Variants in ACADVL observed in about 807,000 individuals in gnomAD.
ACADVL encodes the protein acyl-CoA dehydrogenase very long chain, also known as very long-chain acyl-CoA dehydrogenase, mitochondrial.
Under a neutral mutation model 80.4 loss-of-function variants are expected in ACADVL, and 73 were observed. The ratio of observed to expected loss-of-function variants is 0.91; its 90% confidence interval spans 0.75 to 1.10. ACADVL has a LOEUF of 1.10. ACADVL is among the 50% of genes least tolerant of loss of function. The pLI, the probability that ACADVL is intolerant of heterozygous loss-of-function variation, is 0.00. For synonymous variants in ACADVL, 392 were observed against 326.5 expected (o/e 1.20, Z -2.16); for missense variants, 878 against 858.9 (o/e 1.02, Z -0.28).
Position 7,222,025 on chromosome 17 carries a change from T to C in ACADVL, c.696T>C (p.Ala232=). The C allele has an allele frequency of 6.2e-7, 1 of 1,614,184 alleles. No homozygotes were observed. ...GSDAASIRTS[A]VPSPCGKYYT... ...ATGCAGCCTCCATCCGAACCTCTGC[T>C]GTGCCCAGCCCCTGTGGAAAATACT... The change falls in exon 8 of 20, where the codon GCT becomes GCC. Residue 232 remains alanine, a synonymous_variant. Coordinates refer to ENST00000356839, the MANE Select transcript of ACADVL (RefSeq NM_000018.4).
At position 7,220,926 on chromosome 17, in the gene ACADVL, A is replaced by T; in HGVS notation, c.345A>T (p.Glu115Asp). 6.2e-7 allele frequency: 1 copy of T among 1,614,058 alleles called. No individual in the cohort carries two copies. Among genetic ancestry groups the T allele is most frequent in the Non-Finnish European group, 8.5e-7 (1 of 1,180,020 alleles). ...GTGGGATCCTGTGCCTTCCCCAGGA[A>T]GTGAACGATCCCGCCAAGAATGACG... ...LVEPVSRFFE[E>D]VNDPAKNDAL... Residue 115 changes from glutamate to aspartate, a missense_variant and splice_region_variant, in exon 6 of 20, where the codon GAA (glutamate) becomes GAT (aspartate). Physicochemically the swap from Glu to Asp is conservative, Grantham distance 45. Coordinates refer to ENST00000356839, the MANE Select transcript of ACADVL (RefSeq NM_000018.4).
upstream of ACADVL, chr17:7,219,653 A>G: frequency 3.1e-6 from 4 of 1,275,434 alleles, no homozygotes; most frequent in Middle Eastern, 3.1e-4. Flanking sequence ...CCTTCAGTCC[A>G]CCTCCATCCC....
chr17:7,217,605 AAGAGGGAAGGGG>A, upstream of ACADVL: 1 of 1,321,482 alleles, frequency 7.6e-7, no homozygotes, highest in African/African-American at 1.7e-5. Context: ...CGTGGAGCCG[AAGAGGGAAGGGG>A]AGAGAGGAGG....
chr17:7,220,492 C>A lies in ACADVL; in HGVS notation c.167C>A (p.Pro56His), dbSNP rs2142964131. ...GCTCTGGACAAGTCAGATTCCCACC[C>A]CTCTGACGCTCTGACCAGGAAAAAA... Reference protein sequence around the residue: ...QLALDKSDSHPSDALTRKKPA... With the variant: ...QLALDKSDSHHSDALTRKKPA... The change falls in exon 3 of 20, where the codon CCC (proline) becomes CAC (histidine). Residue 56 changes from proline (P) to histidine (H), a missense_variant. Pro to His is a moderately conservative substitution (Grantham distance 77). Transcript: ENST00000356839. 1.9e-6 allele frequency: 3 copies of A among 1,614,232 alleles called. No homozygotes were observed. Among genetic ancestry groups the A allele is most frequent in the Non-Finnish European group, 2.5e-6 (3 of 1,180,048 alleles).
chr17:7,218,051 C>T (rs900933346), upstream of ACADVL, among the ~76,000 whole-genome samples: 6 of 151,782 alleles, frequency 4.0e-5, no homozygotes, highest in South Asian at 2.1e-4. Flanking sequence ...CCAAAGAAAA[C>T]GAGGAAGAAA....
chr17:7,222,279 G>A lies in ACADVL; in HGVS notation c.855G>A (p.Glu285=), dbSNP rs201509063. 8 of 1,614,016 alleles carry A rather than the reference G, an allele frequency of 5.0e-6. No individual in the cohort carries two copies. Among genetic ancestry groups the A allele is most frequent in the Admixed American group, 3.3e-5 (2 of 60,004 alleles). ...AGAAGATCACAGCTTTTGTGGTGGA[G>A]AGGGGCTTCGGGGGCATTACCCAGT... ...VKEKITAFVV[E]RGFGGITHGP... Residue 285 remains glutamate, a synonymous_variant, in exon 9 of 20, where the codon GAG becomes GAA. Coordinates refer to ENST00000356839, the MANE Select transcript of ACADVL (RefSeq NM_000018.4).
chr17:7,218,868 T>C (rs750829139), upstream of ACADVL: 4 of 1,613,254 alleles, frequency 2.5e-6, no homozygotes, highest in Non-Finnish European at 3.4e-6. Context: ...TCTCTCACTT[T>C]AATCTCCCTA....
At chr17:7,221,244 T>C in intron 6 of ACADVL, 186 bp downstream of exon 6, 5 of 1,088,654 alleles carry the variant, frequency 4.6e-6, no homozygotes, top group Non-Finnish European at 6.6e-6. Context: ...GCCTGAGCCA[T>C]GGGCCTCACC....
At chr17:7,222,137 T>C (rs367766535) in intron 8 of ACADVL, 40 bp from the exon 9 acceptor site, 9 of 1,613,926 alleles carry the variant, frequency 5.6e-6, no homozygotes, top group Middle Eastern at 1.6e-4. Context: ...GCCCCACTGC[T>C]CCCCGTCCTC....
In ACADVL at chr17:7,220,491, C is replaced by T; in HGVS notation, c.166C>T (p.Pro56Ser). ...QLALDKSDSH[P>S]SDALTRKKPA... ...GGCTCTGGACAAGTCAGATTCCCAC[C>T]CCTCTGACGCTCTGACCAGGAAAAA... is the stretch of plus-strand genomic sequence containing the variant. Residue 56 changes from proline to serine, a missense_variant, in exon 3 of 20, where the codon CCC becomes TCC. By Grantham distance (74) the Pro-to-Ser change is moderately conservative. Transcript: ENST00000356839. 1 of 1,614,254 alleles carries T rather than the reference C, an allele frequency of 6.2e-7. No individual in the cohort carries two copies. Among genetic ancestry groups the T allele is most frequent in the African/African-American group, 1.3e-5 (1 of 75,078 alleles).
chr17:7,224,396 A>G lies in ACADVL; in HGVS notation c.1605+3A>G, dbSNP rs759274087. The G allele has an allele frequency of 5.6e-6, 9 of 1,613,676 alleles. No individual in the cohort carries two copies. Among genetic ancestry groups the G allele is most frequent in the East Asian group, 2.2e-5 (1 of 44,892 alleles). On this transcript the variant is annotated splice_donor_region_variant and intron_variant, in intron 16 of 19. Coordinates refer to ENST00000356839, the MANE Select transcript of ACADVL (RefSeq NM_000018.4). ...AGTTGAGTCGGAGTGGCGAGCTGGT[A>G]AGTGGCCAGGGGTCCAGGAGAGCCT...
Position 7,224,408 on chromosome 17 carries a change from G to C in ACADVL, c.1605+15G>C. ...GTGGCGAGCTGGTAAGTGGCCAGGG[G>C]TCCAGGAGAGCCTGCATCAGGGACT... On this transcript the variant is annotated intron_variant, in intron 16 of 19. Coordinates refer to ENST00000356839, the MANE Select transcript of ACADVL (RefSeq NM_000018.4). 1 of 1,613,802 alleles carries C rather than the reference G, an allele frequency of 6.2e-7. No homozygotes were observed. The highest frequency in any genetic ancestry group is 8.5e-7 in the Non-Finnish European group (1 of 1,179,918).
chr17:7,217,616 GGA>G, upstream of ACADVL: 1 of 1,404,052 alleles, frequency 7.1e-7, no homozygotes. Context: ...AGAGGGAAGG[GGA>G]GAGAGGAGGA....
rs777778829 is a variant in ACADVL, at chr17:7,223,203, T to C, written c.1148T>C (p.Leu383Pro). The change falls in exon 11 of 20, where the codon CTG becomes CCG. Residue 383 changes from leucine to proline, a missense_variant. Coordinates refer to ENST00000356839, the MANE Select transcript of ACADVL (RefSeq NM_000018.4). Reference protein sequence around the residue: ...IHNFGLIQEKLARMVMLQYVT... With the variant: ...IHNFGLIQEKPARMVMLQYVT... ...AACTTTGGGCTGATCCAGGAGAAGC[T>C]GGCACGGATGGTTATGCTGCAGTAT... 3 of 1,614,102 alleles carry C rather than the reference T, an allele frequency of 1.9e-6. No individual in the cohort carries two copies. The highest frequency in any genetic ancestry group is 2.2e-5 in the East Asian group (1 of 44,886).
chr17:7,218,106 C>A (rs2071017939), upstream of ACADVL: 1 of 797,506 alleles, frequency 1.3e-6, no homozygotes, highest in East Asian at 2.7e-5. Flanking sequence ...CTCGGTGCCC[C>A]AAGTCCCTGG....
intron 11 of ACADVL, 69 bp from the exon 12 acceptor site, chr17:7,223,575 G>C: frequency 3.9e-6 from 6 of 1,538,854 alleles, no homozygotes; most frequent in Non-Finnish European, 5.4e-6. Flanking sequence ...TGGAGATCTG[G>C]GTGATGAGGC....
Position 7,220,192 on chromosome 17 carries a change from G to A in ACADVL, c.133G>A (p.Ala45Thr). 1 of 1,532,752 alleles carries A rather than the reference G, an allele frequency of 6.5e-7. No homozygotes were observed. Among genetic ancestry groups the A allele is most frequent in the East Asian group, 2.4e-5 (1 of 41,060 alleles). 94.9% of individuals were successfully genotyped at this position (1,532,752 alleles called of 1,614,324 possible). ...PARRPYAGGA[A>T]QLALDKSDSH... ...CCGGCGGCCCTATGCCGGGGGTGCC[G>A]CTCAGGTAAGTCACCGCAGCCTTGG... The change falls in exon 2 of 20, where the codon GCT (alanine) becomes ACT (threonine). Residue 45 changes from alanine (A) to threonine (T), a missense_variant. Physicochemically the swap from Ala to Thr is moderately conservative, Grantham distance 58. Transcript: ENST00000356839.
chr17:7,221,291 A>C lies in ACADVL; in HGVS notation c.477+233A>C, dbSNP rs1029083282. 18 of 925,590 alleles carry C rather than the reference A, an allele frequency of 1.9e-5. No individual in the cohort carries two copies. In the East Asian group the frequency reaches 4.5e-4, roughly 23 times the overall value. The allele number at this position is 925,590 out of a possible 1,614,324, so 57.3% of individuals were successfully genotyped here. ...GTCCTTACAAATCTCTAAGTTGGGG[A>C]TTGCCTAACAATAGACTGACTAGTA... On this transcript the variant is annotated intron_variant, in intron 6 of 19. Coordinates refer to ENST00000356839, the MANE Select transcript of ACADVL (RefSeq NM_000018.4).
chr17:7,222,712 A>G lies in ACADVL; in HGVS notation c.924A>G (p.Ala308=). 6.2e-7 allele frequency: 1 copy of G among 1,614,098 alleles called. No individual in the cohort carries two copies. The highest frequency in any genetic ancestry group is 8.5e-7 in the Non-Finnish European group (1 of 1,180,010). ...KKMGIKASNT[A]EVFFDGVRVP... is the part of the protein sequence containing the mutation. ...TGGGCATCAAGGCTTCAAACACAGC[A>G]GAGGTGTTCTTTGATGGAGTACGGG... Residue 308 remains alanine (A), a synonymous_variant, in exon 10 of 20, where the codon GCA becomes GCG. Coordinates refer to ENST00000356839, the MANE Select transcript of ACADVL (RefSeq NM_000018.4).
Sources: allele counts gnomAD v4.1 joint callset (sites outside exome capture counted in the v4.1 genomes callset), GRCh38; gene constraint gnomAD v4.1.1; transcripts MANE v1.5; gene names NCBI Gene and HGNC (gene_info 2026-07-23, HGNC 2026-07-21).